SLC26A8: variants seen among roughly 807,000 people sequenced by gnomAD.
SLC26A8 encodes the protein solute carrier family 26 member 8.
A neutral mutation model predicts 105.0 loss-of-function variants in SLC26A8; 70 were observed. The observed-to-expected ratio is 0.67, with a 90% CI of 0.55 to 0.81. The LOEUF is 0.81. Ranked by LOEUF, SLC26A8 falls within the 40% of genes least tolerant of loss-of-function variation. The probability of loss-of-function intolerance (pLI) is 0.00; values close to 1 mark genes in which losing one functional copy is unlikely to be tolerated. For missense variants in SLC26A8, 998 were observed against 1,181.8 expected (o/e 0.84, Z 2.28); for synonymous variants, 415 against 438.3 (o/e 0.95, Z 0.66).
In SLC26A8 at chr6:36,019,531, G is replaced by C. The variant is rs142576626; in HGVS notation, c.177C>G (p.His59Gln). Residue 59 changes from histidine to glutamine, a missense_variant, in exon 2 of 20, where the codon CAC becomes CAG. Transcript: ENST00000490799. Reference sequence around the variant, plus strand: ...TTGGACACACGCACCGGCACTGGACGTGGTGTCTGAAGGTGGTGATGTTGA... The same window carrying C: ...TTGGACACACGCACCGGCACTGGACCTGGTGTCTGAAGGTGGTGATGTTGA... Reference protein sequence around the residue: ...MNINITTFRHHVQCRCSWHRF... With the variant: ...MNINITTFRHQVQCRCSWHRF... The C allele has an allele frequency of 6.2e-7, 1 of 1,613,220 alleles. No individual in the cohort carries two copies. Among genetic ancestry groups the C allele is most frequent in the Admixed American group, 1.7e-5 (1 of 59,978 alleles).
intron 17 of SLC26A8, among the ~76,000 whole-genome samples, chr6:35,954,585 T>G (rs1286724863): frequency 2.0e-5 from 3 of 152,220 alleles, no homozygotes; most frequent in Admixed American, 2.0e-4. Context: ...TGTCCTGTTT[T>G]TCATTTCTTG....
rs779192459 is a variant in SLC26A8 at position 36,012,304 on chromosome 6, T to A, written c.257A>T (p.Tyr86Phe). The change falls in exon 3 of 20, where the codon TAT becomes TTT. Residue 86 changes from tyrosine to phenylalanine, a missense_variant. By Grantham distance (22) the Tyr-to-Phe change is conservative. Transcript: ENST00000490799. Reference sequence around the variant, plus strand: ...TCCCAGAAGCCAATCCTTTAATCGATACATACACATCCATTCTAGGAAGGG... The same window carrying A: ...TCCCAGAAGCCAATCCTTTAATCGAAACATACACATCCATTCTAGGAAGGG... ...IFPFLEWMCM[Y>F]RLKDWLLGDL... 1 of 1,611,688 alleles carries A rather than the reference T, an allele frequency of 6.2e-7. No homozygotes were observed. The highest frequency in any genetic ancestry group is 1.3e-5 in the African/African-American group (1 of 74,758).
intron 19 of SLC26A8, among the ~76,000 whole-genome samples, chr6:35,950,019 G>C (rs908439629): frequency 5.3e-5 from 8 of 151,972 alleles, no homozygotes. Flanking sequence ...GGATGGTCTC[G>C]ATCTCCTGAC....
At position 35,959,729 on chromosome 6, in the gene SLC26A8, A is replaced by T; in HGVS notation, c.1716T>A (p.His572Gln). 2 of 1,609,562 alleles carry T rather than the reference A, an allele frequency of 1.2e-6. No homozygotes were observed. The highest frequency in any genetic ancestry group is 1.1e-5 in the South Asian group (1 of 89,744). The change falls in exon 15 of 20, where the codon CAT (histidine) becomes CAA (glutamine). Residue 572 changes from histidine to glutamine, a missense_variant. Physicochemically the swap from His to Gln is conservative, Grantham distance 24. Transcript: ENST00000490799. ...GGGCAGATACCTCTTTTAACAGCTTATGCTTTAGGTAGTAAACATTTACAA... is the reference window on the plus strand; with the variant it reads ...GGGCAGATACCTCTTTTAACAGCTTTTGCTTTAGGTAGTAAACATTTACAA... ...ITFVNVYYLK[H>Q]KLLKEVDMVK...
At chr6:36,017,791 G>A (rs1762034497) in intron 2 of SLC26A8, among the ~76,000 whole-genome samples, 1 of 152,036 alleles carries the variant, frequency 6.6e-6, no homozygotes, top group Non-Finnish European at 1.5e-5. Flanking sequence ...TTAATATCCA[G>A]AATACATGAA....
At chr6:36,012,397 T>C (rs2127370190) in intron 2 of SLC26A8, 25 bp from the exon 3 acceptor site, 1 of 1,548,026 alleles carries the variant, frequency 6.5e-7, no homozygotes, top group Non-Finnish European at 8.7e-7. Context: ...AGCAGAGACT[T>C]GGTTAGTTTC....
intron 5 of SLC26A8, among the ~76,000 whole-genome samples, chr6:35,994,101 C>CT (rs371056195): frequency 5.0e-5 from 7 of 139,828 alleles, no homozygotes; most frequent in Admixed American, 1.5e-4. Context: ...CTGTGTCTCC[C>CT]TTTTTTTTTC....
intron 1 of SLC26A8, among the ~76,000 whole-genome samples, chr6:36,022,189 AT>A (rs1330685349): frequency 6.7e-6 from 1 of 149,662 alleles, no homozygotes; most frequent in African/African-American, 2.5e-5. Flanking sequence ...CTGGTCTTGA[AT>A]TCCCTACCTC....
intron 19 of SLC26A8, among the ~76,000 whole-genome samples, chr6:35,949,305 G>A (rs1016972291): frequency 6.6e-6 from 1 of 151,942 alleles, no homozygotes; most frequent in South Asian, 2.1e-4. Context: ...GGTGGCGGGC[G>A]CCTGTAGTCC....
intron 3 of SLC26A8, among the ~76,000 whole-genome samples, chr6:36,001,375 G>A (rs1199865171): frequency 1.3e-5 from 2 of 152,204 alleles, no homozygotes; most frequent in South Asian, 4.1e-4. Context: ...TGATCCACCC[G>A]CCTCGGCCTC....
In SLC26A8 at chr6:35,991,670, C is replaced by T. The variant is rs1562052933; in HGVS notation, c.931G>A (p.Glu311Lys). The change falls in exon 7 of 20, where the codon GAA becomes AAA. Residue 311 changes from glutamate (E) to lysine (K), a missense_variant. By Grantham distance (56) the Glu-to-Lys change is moderately conservative (BLOSUM62 1). Transcript: ENST00000490799. ...FNQYPIEFPM[E>K]LFLIIGFTVI... ...TCAAAAACACCTACCAGAAATAATT[C>T]CATGGGAAACTCAATGGGATACTGA... 1 of 1,564,582 alleles carries T rather than the reference C, an allele frequency of 6.4e-7. No individual in the cohort carries two copies. Among genetic ancestry groups the T allele is most frequent in the Non-Finnish European group, 8.6e-7 (1 of 1,158,918 alleles).
At chr6:35,968,303 A>G (rs1772599997) in intron 11 of SLC26A8, among the ~76,000 whole-genome samples, 1 of 151,056 alleles carries the variant, frequency 6.6e-6, no homozygotes, top group Non-Finnish European at 1.5e-5. Flanking sequence ...CACCACCATG[A>G]CCAGCTAATT....
chr6:35,984,573 C>A (rs574877038), intron 7 of SLC26A8, among the ~76,000 whole-genome samples: 2 of 152,188 alleles, frequency 1.3e-5, no homozygotes, highest in South Asian at 4.2e-4. Flanking sequence ...ATCCACCTGC[C>A]TCTGCCTCCC....
intron 11 of SLC26A8, among the ~76,000 whole-genome samples, chr6:35,965,366 C>T (rs1772465978): frequency 6.6e-6 from 1 of 151,984 alleles, no homozygotes; most frequent in African/African-American, 2.4e-5. Flanking sequence ...AGAATTTAAC[C>T]TACTTTTAAG....
intron 5 of SLC26A8, among the ~76,000 whole-genome samples, chr6:35,994,149 C>G (rs1225843740): frequency 8.1e-6 from 1 of 123,368 alleles, no homozygotes; most frequent in Admixed American, 1.1e-4. Flanking sequence ...GAGTCTTGCT[C>G]TGTCGCCCAG....
At chr6:35,979,844 G>A (rs1383137623) in intron 8 of SLC26A8, among the ~76,000 whole-genome samples, 2 of 152,060 alleles carry the variant, frequency 1.3e-5, no homozygotes, top group Non-Finnish European at 2.9e-5. Context: ...TAGCAGCCCT[G>A]GATAAATACA....
chr6:36,005,734 C>T (rs192717919), intron 3 of SLC26A8, among the ~76,000 whole-genome samples: 7 of 152,208 alleles, frequency 4.6e-5, no homozygotes, highest in African/African-American at 1.4e-4. Context: ...ATAAATATCT[C>T]GAGGGAGATA....
chr6:35,996,964 G>C (rs1761371914), intron 5 of SLC26A8, among the ~76,000 whole-genome samples: 1 of 152,008 alleles, frequency 6.6e-6, no homozygotes, highest in African/African-American at 2.4e-5. Flanking sequence ...GAACCTGGGA[G>C]GCGGAGATTG....
At position 35,981,063 on chromosome 6, in the gene SLC26A8, T is replaced by G. The variant is rs1351819259; in HGVS notation, c.1025+1058A>C. 1.3e-5 allele frequency among the ~76,000 whole-genome samples: 2 copies of G among 152,116 alleles called. No homozygotes were observed. The highest frequency in any genetic ancestry group is 2.4e-5 in the African/African-American group (1 of 41,426). ...TGATCCTGGAGTTTAGCAAGTATGC[T>G]TCACTCTTTACAGGATTCCTTATTA... On this transcript the variant is annotated intron_variant, in intron 8 of 19. Transcript: ENST00000490799. This position sits in a 1 kb window ranked among gnomAD's most constrained non-coding sequence, Gnocchi z 4.0.
Sources: gnomAD v4.1 joint callset for allele counts (sites outside exome capture counted in the v4.1 genomes callset) on GRCh38, gnomAD v4.1.1 for gene constraint, Gnocchi (gnomAD v3.1) non-coding constraint, MANE v1.5 for transcripts, NCBI Gene and HGNC (gene_info 2026-07-23, HGNC 2026-07-21) for gene names.